Variants in TMEM150C observed in about 807,000 individuals in gnomAD.
TMEM150C encodes transmembrane protein 150C.
Under a neutral mutation model 29.9 loss-of-function variants are expected in TMEM150C, and 10 were observed. The ratio of observed to expected loss-of-function variants is 0.33; its 90% confidence interval spans 0.21 to 0.57. TMEM150C has a LOEUF of 0.57. Ranked by LOEUF, TMEM150C falls within the 20% of genes least tolerant of loss-of-function variation. The pLI is 0.88. For missense variants in TMEM150C, 251 were observed against 303.6 expected (o/e 0.83, Z 1.29); for synonymous variants, 101 against 112.5 (o/e 0.90, Z 0.64).
Position 82,545,058 on chromosome 4 carries a change from C to T in TMEM150C, c.-11+16848G>A, listed in dbSNP as rs1432533644. Among the ~76,000 whole-genome samples, 5 of 152,270 alleles carry T rather than the reference C, an allele frequency of 3.3e-5. No individual in the cohort carries two copies. In the East Asian group the frequency reaches 9.7e-4, roughly 29 times the overall value. ...CTAACTCATTTTATGAAGCCAGCATCACCTTGATAACAAAATCTGGTAAAG... is the reference window on the plus strand; with the variant it reads ...CTAACTCATTTTATGAAGCCAGCATTACCTTGATAACAAAATCTGGTAAAG... On this transcript the variant is annotated intron_variant, in intron 1 of 7. Transcript: ENST00000449862.
At chr4:82,495,146 G>A in intron 6 of TMEM150C, 1 of 514,218 alleles carries the variant, frequency 1.9e-6, no homozygotes, top group Non-Finnish European at 3.3e-6. Context: ...CTTCTTTAGA[G>A]ACACTGAAAA....
intron 6 of TMEM150C, among the ~76,000 whole-genome samples, chr4:82,492,942 C>T (rs907244697): frequency 5.1e-5 from 7 of 138,576 alleles, no homozygotes; most frequent in South Asian, 2.3e-4. Flanking sequence ...GGCTAGAGTA[C>T]GGTGGTATGA....
At chr4:82,536,977 A>AATTATT (rs1214219008) in intron 1 of TMEM150C, among the ~76,000 whole-genome samples, 3 of 151,932 alleles carry the variant, frequency 2.0e-5, no homozygotes, top group African/African-American at 7.3e-5. Context: ...CAACTTCAAC[A>AATTATT]ATTATTATTA....
chr4:82,491,661 AT>A (rs1183736189), intron 6 of TMEM150C: 2 of 509,262 alleles, frequency 3.9e-6, no homozygotes, highest in African/African-American at 3.9e-5. Flanking sequence ...GAGAGCGCTA[AT>A]TTTTTATTTT....
intron 1 of TMEM150C, among the ~76,000 whole-genome samples, chr4:82,536,106 A>T (rs971462363): frequency 2.0e-5 from 3 of 152,138 alleles, no homozygotes; most frequent in Non-Finnish European, 4.4e-5. Flanking sequence ...CATACCTGTA[A>T]TCCTAGCACT....
chr4:82,521,635 G>A (rs1406480271), intron 1 of TMEM150C, among the ~76,000 whole-genome samples: 1 of 152,208 alleles, frequency 6.6e-6, no homozygotes, highest in Non-Finnish European at 1.5e-5. Flanking sequence ...GTAAGATGCT[G>A]AAAGGGAATG....
chr4:82,497,838 G>T (rs1241107361), intron 5 of TMEM150C, among the ~76,000 whole-genome samples: 2 of 152,146 alleles, frequency 1.3e-5, no homozygotes, highest in Admixed American at 1.3e-4. Context: ...ATAGGAGTAG[G>T]AGGAGGAAGT....
chr4:82,498,218 TTGG>T (rs1723618847), intron 5 of TMEM150C, among the ~76,000 whole-genome samples: 1 of 151,854 alleles, frequency 6.6e-6, no homozygotes, highest in African/African-American at 2.4e-5. Flanking sequence ...TTTCACCATA[TTGG>T]TCAGGCTGGT....
intron 1 of TMEM150C, among the ~76,000 whole-genome samples, chr4:82,543,830 C>T (rs1009968573): frequency 6.6e-6 from 1 of 152,138 alleles, no homozygotes; most frequent in Non-Finnish European, 1.5e-5. Context: ...CCTTGTGGGC[C>T]GAGAAGCTGA....
intron 1 of TMEM150C, among the ~76,000 whole-genome samples, chr4:82,531,417 G>A (rs568217726): frequency 2.8e-4 from 43 of 152,158 alleles, no homozygotes; most frequent in African/African-American, 8.0e-4. Context: ...GAGCCAAGGA[G>A]AACACTCATG....
intron 1 of TMEM150C, among the ~76,000 whole-genome samples, chr4:82,510,491 T>C (rs541049208): frequency 5.9e-5 from 9 of 152,252 alleles, no homozygotes; most frequent in African/African-American, 1.9e-4. Context: ...CTCTGCCTCT[T>C]ATTAGTTGTG....
chr4:82,561,686 G>T (rs1304819479), intron 1 of TMEM150C, among the ~76,000 whole-genome samples: 4 of 147,404 alleles, frequency 2.7e-5, no homozygotes, highest in Non-Finnish European at 6.0e-5. Context: ...GCCGGGGAGC[G>T]TGCGCCCGCG....
At chr4:82,504,747 TG>T in intron 1 of TMEM150C, 80 bp from the exon 2 acceptor site, 1 of 1,235,710 alleles carries the variant, frequency 8.1e-7, no homozygotes. Context: ...TTAGTCTAAC[TG>T]GGCCAAGCAC....
At chr4:82,499,719 C>CAAAAAAAAAAAAAAAAAAAAA (rs1197264258) in intron 5 of TMEM150C, among the ~76,000 whole-genome samples, 1 of 40,300 alleles carries the variant, frequency 2.5e-5, no homozygotes, top group African/African-American at 1.1e-4. Flanking sequence ...ACTCCGTCTC[C>CAAAAAAAAAAAAAAAAAAAAA]AAAAAAAAAA....
chr4:82,506,868 C>T (rs543631758), intron 1 of TMEM150C, among the ~76,000 whole-genome samples: 13 of 152,212 alleles, frequency 8.5e-5, no homozygotes, highest in African/African-American at 2.9e-4. Flanking sequence ...GTAAGTAAAC[C>T]AATTATTCTA....
chr4:82,501,466 G>A (rs1006176884), intron 5 of TMEM150C, among the ~76,000 whole-genome samples: 1 of 152,166 alleles, frequency 6.6e-6, no homozygotes, highest in East Asian at 1.9e-4. Flanking sequence ...CAGGCTTTCC[G>A]GACACCTCCT....
rs576342263 is a variant in TMEM150C at position 82,539,838 on chromosome 4, G to T, written c.-11+22068C>A. Among the ~76,000 whole-genome samples, 11 of 152,212 alleles carry T rather than the reference G, an allele frequency of 7.2e-5. No individual in the cohort carries two copies. In the South Asian group the frequency reaches 2.3e-3, roughly 32 times the overall value. The stretch of plus-strand genomic sequence containing the variant: ...ATATTGAGGACTACCTATAAGAAAT[G>T]TACATGAACAAATCCCACAAAACTA... On this transcript the variant is annotated intron_variant, in intron 1 of 7. Transcript: ENST00000449862.
intron 1 of TMEM150C, among the ~76,000 whole-genome samples, chr4:82,537,876 G>A (rs193170850): frequency 5.2e-4 from 79 of 152,250 alleles, no homozygotes; most frequent in African/African-American, 1.7e-3. Flanking sequence ...GGAGCAGGGC[G>A]CTGCTGACAA....
chr4:82,521,586 G>C (rs1454506963), intron 1 of TMEM150C, among the ~76,000 whole-genome samples: 1 of 152,226 alleles, frequency 6.6e-6, no homozygotes, highest in Non-Finnish European at 1.5e-5. Flanking sequence ...CCATGGAGAA[G>C]GTAGCATTCA....
Sources: gnomAD v4.1 joint callset for allele counts (sites outside exome capture counted in the v4.1 genomes callset) on GRCh38, gnomAD v4.1.1 for gene constraint, MANE v1.5 for transcripts, NCBI Gene and HGNC (gene_info 2026-07-23, HGNC 2026-07-21) for gene names.